Variants in CHRNA4 observed in about 807,000 individuals in gnomAD.
CHRNA4 encodes the protein neuronal acetylcholine receptor subunit alpha-4.
Under a neutral mutation model 48.9 loss-of-function variants are expected in CHRNA4, and 28 were observed. The ratio of observed to expected loss-of-function variants is 0.57; its 90% CI spans 0.42 to 0.79. The LOEUF is 0.79. CHRNA4 is among the 30% of genes least tolerant of loss of function. The probability of loss-of-function intolerance (pLI) is 0.00; values close to 1 mark genes in which losing one functional copy is unlikely to be tolerated. For synonymous variants in CHRNA4, 425 were observed against 402.3 expected (o/e 1.06, Z -0.68); for missense variants, 859 against 898.4 (o/e 0.96, Z 0.56).
In CHRNA4 at chr20:63,356,386, G is replaced by T. The variant is rs140239470; in HGVS notation, c.258C>A (p.Asn86Lys). The T allele has an allele frequency of 1.2e-6, 2 of 1,600,168 alleles. No individual in the cohort carries two copies. The highest frequency in any genetic ancestry group is 2.7e-5 in the African/African-American group (2 of 74,728). ...TCCCACTCACCTGCTTCACCCATAC[G>T]TTCGTGGTCATCATCTGGTTCTTCT... is the stretch of plus-strand genomic sequence containing the variant. ...VDEKNQMMTT[N>K]VWVKQEWHDY... The change falls in exon 3 of 6, where the codon AAC becomes AAA. Residue 86 changes from asparagine to lysine, a missense_variant. Physicochemically the swap from Asn to Lys is moderately conservative, Grantham distance 94. Transcript: ENST00000370263.
At chr20:63,351,644 C>T (rs925687269) in intron 4 of CHRNA4, among the ~76,000 whole-genome samples, 2 of 152,220 alleles carry the variant, frequency 1.3e-5, no homozygotes, top group Admixed American at 1.3e-4. Context: ...CACCAGGGGC[C>T]ACAGAGGCAA....
rs890316452 is a variant in CHRNA4 at position 63,354,519 on chromosome 20, G to A, written c.383+1456C>T. ...TGGTCCTAGAGGAACTGTGGTCCTG[G>A]GGGAGCTGTGAACCTGGTGGGGGCT... On this transcript the variant is annotated intron_variant, in intron 4 of 5. Coordinates refer to ENST00000370263, the MANE Select transcript of CHRNA4 (RefSeq NM_000744.7). The A allele has an allele frequency of 1.3e-5, 12 of 939,822 alleles. 1 individual carries two copies. In the South Asian group the frequency reaches 5.9e-4, roughly 46 times the overall value. 58.2% of individuals were successfully genotyped at this position (939,822 alleles called of 1,614,324 possible).
intron 2 of CHRNA4, among the ~76,000 whole-genome samples, chr20:63,357,999 C>T (rs2068744683): frequency 6.6e-6 from 1 of 152,204 alleles, no homozygotes; most frequent in African/African-American, 2.4e-5. Flanking sequence ...GGGTGGCAGA[C>T]CCAGAGCCTT....
chr20:63,359,913 G>GCGCGCCGGGCGTGCGC (rs1268419860), intron 1 of CHRNA4: 2 of 519,452 alleles, frequency 3.9e-6, no homozygotes, highest in East Asian at 3.4e-5. Flanking sequence ...GTGTGTGTGT[G>GCGCGCCGGGCGTGCGC]TGTGTGTGTG....
In CHRNA4 at chr20:63,343,969, G is replaced by C. The variant is rs200313491; in HGVS notation, c.*2769C>G. On this transcript the variant is annotated 3_prime_UTR_variant, in exon 6 of 6. Transcript: ENST00000370263. ...TCTGAAAGATGTTAAAACATTAACAGATGCAGAAAATAAACATGCATAACG... is the reference window on the plus strand; with the variant it reads ...TCTGAAAGATGTTAAAACATTAACACATGCAGAAAATAAACATGCATAACG... 2.2e-6 allele frequency: 1 copy of C among 454,178 alleles called. No individual in the cohort carries two copies. The highest frequency in any genetic ancestry group is 1.6e-5 in the South Asian group (1 of 64,478). 28.1% of individuals were successfully genotyped at this position (454,178 alleles called of 1,614,324 possible).
In CHRNA4 at chr20:63,346,512, G is replaced by A. The variant is rs895809073; in HGVS notation, c.*226C>T. ...ACCCCCACCTCTGCTCCAAGCCACT[G>A]CCTCCTGAGGCCACAGTCCAACTGG... On this transcript the variant is annotated 3_prime_UTR_variant, in exon 6 of 6. Coordinates refer to ENST00000370263, the MANE Select transcript of CHRNA4 (RefSeq NM_000744.7). 9 of 709,770 alleles carry A rather than the reference G, an allele frequency of 1.3e-5. No individual in the cohort carries two copies. In the Admixed American group the frequency reaches 1.4e-4, roughly 11 times the overall value. The allele number at this position is 709,770 out of a possible 1,614,324, so 44.0% of individuals were successfully genotyped here. A position where few individuals can be genotyped will look rare whatever the true frequency, so the allele number is the denominator to read the frequency against.
In CHRNA4 at chr20:63,345,657, G is replaced by A. The variant is rs896155446; in HGVS notation, c.*1081C>T. 1.1e-5 allele frequency: 5 copies of A among 453,790 alleles called. No homozygotes were observed. Among genetic ancestry groups the A allele is most frequent in the Admixed American group, 2.4e-5 (1 of 42,546 alleles). 28.1% of individuals were successfully genotyped at this position (453,790 alleles called of 1,614,324 possible). On this transcript the variant is annotated 3_prime_UTR_variant, in exon 6 of 6. Coordinates refer to ENST00000370263, the MANE Select transcript of CHRNA4 (RefSeq NM_000744.7). The surrounding 1 kb of genome is among the most constrained non-coding windows in gnomAD (Gnocchi z 5.4). ...CCCTGACTCCCATGAGGCTTCTCAG[G>A]GACTTCCTGCCCCGAGGGTCCCAGC...
intron 5 of CHRNA4, among the ~76,000 whole-genome samples, chr20:63,347,683 G>A (rs1043920377): frequency 9.2e-5 from 14 of 152,320 alleles, no homozygotes; most frequent in South Asian, 6.2e-4. Context: ...CCCCCGTCCC[G>A]CGTCTCTGGC....
At chr20:63,349,397 G>A (rs2123468931) in intron 5 of CHRNA4, 1 of 587,490 alleles carries the variant, frequency 1.7e-6, no homozygotes, top group East Asian at 2.8e-5. Flanking sequence ...GAGGCCCACT[G>A]TGTCCCAAAG....
At position 63,350,493 on chromosome 20, in the gene CHRNA4, G is replaced by A. The variant is rs754158477; in HGVS notation, c.918C>T (p.Ile306=). 13 of 1,613,810 alleles carry A rather than the reference G, an allele frequency of 8.1e-6. No individual in the cohort carries two copies. Among genetic ancestry groups the A allele is most frequent in the South Asian group, 3.3e-5 (3 of 91,064 alleles). ...TCATGGTGAACAGCAGGTACTCGCC[G>A]ATGAGTGGGATGACCAGTGAGGTGG... The part of the protein sequence containing the change: ...IPSTSLVIPL[I]GEYLLFTMIF... Residue 306 remains isoleucine (I), a synonymous_variant, in exon 5 of 6, where the codon ATC becomes ATT. Transcript: ENST00000370263.
intron 4 of CHRNA4, among the ~76,000 whole-genome samples, chr20:63,352,080 G>T (rs556723324): frequency 6.6e-6 from 1 of 152,224 alleles, no homozygotes; most frequent in African/African-American, 2.4e-5. Context: ...GGCACGACGC[G>T]TCGGGGGGAG....
At chr20:63,349,624 C>G in intron 5 of CHRNA4, 29 bp downstream of exon 5, 2 of 1,612,136 alleles carry the variant, frequency 1.2e-6, no homozygotes, top group Non-Finnish European at 8.5e-7. Context: ...GGGTCAGAGG[C>G]GCCCAACACA....
At chr20:63,360,010 C>T in intron 1 of CHRNA4, 1 of 387,010 alleles carries the variant, frequency 2.6e-6, no homozygotes, top group Non-Finnish European at 4.9e-6. Context: ...CTCGGGGAAG[C>T]TTCCCAGGCC....
In CHRNA4 at chr20:63,344,788, T is replaced by C. The variant is rs1044865096; in HGVS notation, c.*1950A>G. The C allele has an allele frequency of 1.8e-5, 8 of 453,712 alleles. No individual in the cohort carries two copies. Among genetic ancestry groups the C allele is most frequent in the East Asian group, 7.0e-5 (1 of 14,388 alleles). The allele number at this position is 453,712 out of a possible 1,614,324, so 28.1% of individuals were successfully genotyped here. A position where few individuals can be genotyped will look rare whatever the true frequency, so the allele number is the denominator to read the frequency against. On this transcript the variant is annotated 3_prime_UTR_variant, in exon 6 of 6. Coordinates refer to ENST00000370263, the MANE Select transcript of CHRNA4 (RefSeq NM_000744.7). This position sits in a 1 kb window ranked among gnomAD's most constrained non-coding sequence, Gnocchi z 4.5. ...CCATGGCCCCGGGATGACCTCACTCTCCCAGGGTCTCCCTGCGTCCTGGGA... is the reference window on the plus strand; with the variant it reads ...CCATGGCCCCGGGATGACCTCACTCCCCCAGGGTCTCCCTGCGTCCTGGGA...
intron 5 of CHRNA4, among the ~76,000 whole-genome samples, chr20:63,348,611 C>G (rs1022471297): frequency 3.3e-5 from 5 of 152,228 alleles, no homozygotes; most frequent in African/African-American, 9.7e-5. Flanking sequence ...ACTGAGGGCA[C>G]CAGGCCCTGG....
In CHRNA4 at chr20:63,359,715, G is replaced by C. The variant is rs1224146905; in HGVS notation, c.77-16C>G. 2 of 1,609,438 alleles carry C rather than the reference G, an allele frequency of 1.2e-6. No individual in the cohort carries two copies. The highest frequency in any genetic ancestry group is 2.7e-5 in the African/African-American group (2 of 74,858). ...TGGCTGCTGGCTGCGGGGAGAGGCAGGCCAGTGGCTCAGGTGCAGGCGGGA... is the reference window on the plus strand; with the variant it reads ...TGGCTGCTGGCTGCGGGGAGAGGCACGCCAGTGGCTCAGGTGCAGGCGGGA... On this transcript the variant is annotated splice_polypyrimidine_tract_variant and intron_variant, in intron 1 of 5. Transcript: ENST00000370263.
At position 63,346,650 on chromosome 20, in the gene CHRNA4, G is replaced by T; in HGVS notation, c.*88C>A. 1 of 1,530,376 alleles carries T rather than the reference G, an allele frequency of 6.5e-7. No individual in the cohort carries two copies. The highest frequency in any genetic ancestry group is 8.8e-7 in the Non-Finnish European group (1 of 1,141,008). The allele number at this position is 1,530,376 out of a possible 1,614,324, so 94.8% of individuals were successfully genotyped here. Reference sequence around the variant, plus strand: ...CAAACGTGTGGCCCCACAGAGTCCAGGGAGAAGCCAGCCCGGCCCCAGGCC... The same window carrying T: ...CAAACGTGTGGCCCCACAGAGTCCATGGAGAAGCCAGCCCGGCCCCAGGCC... On this transcript the variant is annotated 3_prime_UTR_variant, in exon 6 of 6. Coordinates refer to ENST00000370263, the MANE Select transcript of CHRNA4 (RefSeq NM_000744.7).
At chr20:63,349,586 G>C (rs1413966806) in intron 5 of CHRNA4, 67 bp downstream of exon 5, 1 of 1,595,882 alleles carries the variant, frequency 6.3e-7, no homozygotes, top group Non-Finnish European at 8.6e-7. Flanking sequence ...TACACACCAG[G>C]AAGAAAGGGC....
At chr20:63,359,055 T>C (rs1391452932) in intron 2 of CHRNA4, among the ~76,000 whole-genome samples, 2 of 152,060 alleles carry the variant, frequency 1.3e-5, no homozygotes, top group Non-Finnish European at 2.9e-5. Context: ...GAACATATCT[T>C]CAGACAAACA....
Sources: gnomAD v4.1 joint callset for allele counts (sites outside exome capture counted in the v4.1 genomes callset) on GRCh38, gnomAD v4.1.1 for gene constraint, Gnocchi (gnomAD v3.1) non-coding constraint, MANE v1.5 for transcripts, NCBI Gene and HGNC (gene_info 2026-07-23, HGNC 2026-07-21) for gene names.